Variants in DNAH11 observed in about 807,000 individuals in gnomAD.
The protein encoded by DNAH11 is dynein axonemal heavy chain 11.
DNAH11 carries 442 observed loss-of-function variants against 526.0 expected under a neutral mutation model. The observed-to-expected ratio is 0.84, with a 90% CI of 0.78 to 0.91. The LOEUF is 0.91. DNAH11 is among the 40% of genes least tolerant of loss of function. The pLI is 0.00. For synonymous variants in DNAH11, 2,461 were observed against 1,935.9 expected, an observed-to-expected ratio of 1.27 and a Z score of -7.12; for missense variants, 6,989 against 5,448.7, an observed-to-expected ratio of 1.28 and a Z score of -8.90.
chr7:21,808,737 G>C (rs944717556), intron 63 of DNAH11, among the ~76,000 whole-genome samples: 2 of 152,118 alleles, frequency 1.3e-5, no homozygotes, highest in African/African-American at 4.8e-5. Context: ...TGGCTGAATA[G>C]TATTCCATTG....
intron 6 of DNAH11, among the ~76,000 whole-genome samples, chr7:21,567,520 T>A (rs961180787): frequency 6.6e-6 from 1 of 152,220 alleles, no homozygotes; most frequent in African/African-American, 2.4e-5. Context: ...TGCCAGCATT[T>A]CAGCCTCCAC....
At chr7:21,871,088 G>A (rs1279451618) in intron 73 of DNAH11, among the ~76,000 whole-genome samples, 1 of 152,160 alleles carries the variant, frequency 6.6e-6, no homozygotes, top group African/African-American at 2.4e-5. Context: ...TCTTACCTAA[G>A]CCCCAATGTG....
chr7:21,851,743 CTG>C (rs1315155808), intron 66 of DNAH11: 5 of 449,562 alleles, frequency 1.1e-5, no homozygotes, highest in African/African-American at 2.0e-5. Flanking sequence ...CTGTGATTCT[CTG>C]TGTTTGCCTG....
At chr7:21,842,310 G>A (rs1054425618) in intron 65 of DNAH11, among the ~76,000 whole-genome samples, 1 of 152,046 alleles carries the variant, frequency 6.6e-6, no homozygotes, top group Non-Finnish European at 1.5e-5. Flanking sequence ...GACACTATGG[G>A]GTGAGTACTA....
chr7:21,885,799 G>A (rs62445887), intron 76 of DNAH11, among the ~76,000 whole-genome samples: 13 of 152,210 alleles, frequency 8.5e-5, no homozygotes, highest in East Asian at 1.9e-4. Flanking sequence ...TCCTTCTCTC[G>A]TGAGGAAGAG....
intron 1 of DNAH11, chr7:21,543,861 G>C (rs1466416266): frequency 3.9e-6 from 2 of 510,754 alleles, no homozygotes; most frequent in Non-Finnish European, 6.8e-6. Flanking sequence ...GATAACCCAA[G>C]AACACCAGCG....
At chr7:21,702,380 A>C (rs1169944040) in intron 36 of DNAH11, among the ~76,000 whole-genome samples, 1 of 151,990 alleles carries the variant, frequency 6.6e-6, no homozygotes, top group African/African-American at 2.4e-5. Flanking sequence ...GGAGGTGAAA[A>C]CGGGGAATTT....
chr7:21,742,840 C>T (rs976646714), intron 49 of DNAH11, among the ~76,000 whole-genome samples: 1 of 152,124 alleles, frequency 6.6e-6, no homozygotes, highest in African/African-American at 2.4e-5. Flanking sequence ...ACAAAATACC[C>T]GAGATTGGGT....
At chr7:21,674,057 TGTGTGA>T (rs1168997778) in intron 30 of DNAH11, among the ~76,000 whole-genome samples, 2 of 146,920 alleles carry the variant, frequency 1.4e-5, no homozygotes, top group Non-Finnish European at 3.0e-5. Context: ...TGTGTGTGTG[TGTGTGA>T]GTTTTGTTTT....
intron 14 of DNAH11, among the ~76,000 whole-genome samples, chr7:21,594,185 G>A (rs1231939660): frequency 6.6e-6 from 1 of 152,008 alleles, no homozygotes; most frequent in Non-Finnish European, 1.5e-5. Context: ...CAGAGGCTGG[G>A]CCTGAATTTT....
intron 28 of DNAH11, among the ~76,000 whole-genome samples, chr7:21,651,134 T>C (rs896055067): frequency 9.2e-5 from 14 of 152,270 alleles, no homozygotes; most frequent in Non-Finnish European, 1.9e-4. Flanking sequence ...ATGAATATTG[T>C]CATTATGAAT....
In DNAH11 at chr7:21,683,784, G is replaced by A. The variant is rs980176903; in HGVS notation, c.5461G>A (p.Val1821Ile). The A allele has an allele frequency of 1.9e-6, 3 of 1,600,192 alleles. No homozygotes were observed. The highest frequency in any genetic ancestry group is 1.7e-4 in the Middle Eastern group (1 of 5,986). ...TATGATGATTATGCAATGCCTTTAG[G>A]TTGTCAGTCCCCAAGCTTTTACATG... ...DVVAKLISQK[V>I]VSPQAFTWLS... is the part of the protein sequence containing the mutation. The change falls in exon 32 of 82, where the codon GTT (valine) becomes ATT (isoleucine). Residue 1821 changes from valine to isoleucine, a missense_variant and splice_region_variant. Val to Ile is a conservative substitution (Grantham distance 29). Coordinates refer to ENST00000409508, the MANE Select transcript of DNAH11 (RefSeq NM_001277115.2).
In DNAH11 at chr7:21,601,648, A is replaced by G. The variant is rs747611350; in HGVS notation, c.3648+30A>G. ...GTGCAGAGGTGAAATAATCATAATT[A>G]CCATAAATTGAGCATCTCTTTTATT... is the stretch of plus-strand genomic sequence containing the variant. On this transcript the variant is annotated intron_variant, in intron 18 of 81. Coordinates refer to ENST00000409508, the MANE Select transcript of DNAH11 (RefSeq NM_001277115.2). 8.8e-6 allele frequency: 13 copies of G among 1,472,744 alleles called. No individual in the cohort carries two copies. In the Admixed American group the frequency reaches 1.7e-4, roughly 19 times the overall value. 91.2% of individuals were successfully genotyped at this position (1,472,744 alleles called of 1,614,324 possible).
chr7:21,637,142 G>A (rs1409749047), intron 26 of DNAH11, among the ~76,000 whole-genome samples: 1 of 151,900 alleles, frequency 6.6e-6, no homozygotes, highest in African/African-American at 2.4e-5. Context: ...TTATATGTAG[G>A]TATGCTTTTT....
intron 65 of DNAH11, among the ~76,000 whole-genome samples, chr7:21,836,196 A>T (rs114391972): frequency 6.6e-6 from 1 of 152,144 alleles, no homozygotes; most frequent in Non-Finnish European, 1.5e-5. Flanking sequence ...TACACGTTCA[A>T]TGTAATCCTT....
rs527942115 is a variant in DNAH11, at chr7:21,705,153, G to A, written c.6469-307G>A. The stretch of plus-strand genomic sequence containing the variant: ...ATATAAATCATTAGTTGTAGATAGT[G>A]ATTGGCTATGTACAGTGTTTGTTCA... On this transcript the variant is annotated intron_variant, in intron 38 of 81. Coordinates refer to ENST00000409508, the MANE Select transcript of DNAH11 (RefSeq NM_001277115.2). Among the ~76,000 whole-genome samples, 13 of 152,148 alleles carry A rather than the reference G, an allele frequency of 8.5e-5. No individual in the cohort carries two copies. In the South Asian group the frequency reaches 2.5e-3, roughly 29 times the overall value.
intron 54 of DNAH11, among the ~76,000 whole-genome samples, chr7:21,760,146 G>A (rs1168401965): frequency 6.6e-6 from 1 of 152,210 alleles, no homozygotes; most frequent in African/African-American, 2.4e-5. Context: ...AAGGGAGGGT[G>A]TAGTTCAGTG....
chr7:21,896,332 C>T (rs753590379), intron 79 of DNAH11, among the ~76,000 whole-genome samples: 3 of 152,104 alleles, frequency 2.0e-5, no homozygotes, highest in Non-Finnish European at 4.4e-5. Context: ...ACTGCACTCT[C>T]CTTCTTGATT....
At chr7:21,691,431 G>A (rs2128475164) in intron 35 of DNAH11, among the ~76,000 whole-genome samples, 1 of 151,836 alleles carries the variant, frequency 6.6e-6, no homozygotes, top group South Asian at 2.1e-4. Context: ...CGCTCTCCTT[G>A]GGCTCAAGGG....
Sources: gnomAD v4.1 joint callset for allele counts (sites outside exome capture counted in the v4.1 genomes callset) on GRCh38, gnomAD v4.1.1 for gene constraint, MANE v1.5 for transcripts, NCBI Gene and HGNC (gene_info 2026-07-23, HGNC 2026-07-21) for gene names.